The following AVEN variants were observed in gnomAD, a reference collection of about 807,000 sequenced individuals.
AVEN encodes apoptosis and caspase activation inhibitor.
AVEN carries 41 observed loss-of-function variants against 38.1 expected under a neutral mutation model. The ratio of observed to expected loss-of-function variants is 1.08; its 90% confidence interval spans 0.84 to 1.40. AVEN has a LOEUF of 1.40. Among genes scored for constraint, AVEN ranks in the 40% most tolerant of loss-of-function variants. The pLI is 0.00. For synonymous variants in AVEN, 206 were observed against 171.8 expected, an observed-to-expected ratio of 1.20 and a Z score of -1.56; for missense variants, 605 against 438.8, an observed-to-expected ratio of 1.38 and a Z score of -3.38.
chr15:33,954,624 G>T (rs1423104125), intron 2 of AVEN, among the ~76,000 whole-genome samples: 1 of 148,766 alleles, frequency 6.7e-6, no homozygotes, highest in African/African-American at 2.5e-5. Flanking sequence ...GACACAGGGT[G>T]GGGAACATCA....
At chr15:34,035,499 A>G (rs998924617) in intron 1 of AVEN, among the ~76,000 whole-genome samples, 3 of 152,196 alleles carry the variant, frequency 2.0e-5, no homozygotes, top group Non-Finnish European at 4.4e-5. Context: ...CAGGCTCTGG[A>G]GTGAAAATGC....
chr15:34,025,757 C>CGT lies in AVEN; in HGVS notation c.267+13021_267+13022dup, dbSNP rs150188349. Among the ~76,000 whole-genome samples, 172 of 133,062 alleles carry CGT rather than the reference C, an allele frequency of 1.3e-3. 1 individual carries two copies. The highest frequency in any genetic ancestry group is 4.2e-3 in the African/African-American group (163 of 38,846). 87.3% of individuals were successfully genotyped at this position (133,062 alleles called of 152,430 possible). A position where few individuals can be genotyped will look rare whatever the true frequency, so the allele number is the denominator to read the frequency against. On this transcript the variant is annotated intron_variant, in intron 1 of 5. Coordinates refer to ENST00000306730, the MANE Select transcript of AVEN (RefSeq NM_020371.3). ...GTGTTTTTGTTTTGGTTTGGTTTTG[C>CGT]GTGTGTGTGTGTGTTTGTGTGTGTG...
At chr15:34,022,249 A>G (rs1898234365) in intron 1 of AVEN, among the ~76,000 whole-genome samples, 1 of 152,244 alleles carries the variant, frequency 6.6e-6, no homozygotes, top group Non-Finnish European at 1.5e-5. Flanking sequence ...AATTTTAACC[A>G]GAATGGAGAA....
At chr15:33,923,911 C>G (rs971265929) in intron 2 of AVEN, among the ~76,000 whole-genome samples, 1 of 151,346 alleles carries the variant, frequency 6.6e-6, no homozygotes, top group East Asian at 1.9e-4. Context: ...TATCTCCCAT[C>G]ACCCCCAGGT....
At chr15:34,039,919 C>T (rs887061638), upstream of AVEN, among the ~76,000 whole-genome samples, 1 of 152,086 alleles carries the variant, frequency 6.6e-6, no homozygotes, top group Admixed American at 6.6e-5. Flanking sequence ...CTTCTTTCAA[C>T]CAAGGAGAAA....
chr15:33,879,800 G>A (rs1005542728), intron 2 of AVEN, among the ~76,000 whole-genome samples: 1 of 152,066 alleles, frequency 6.6e-6, no homozygotes. Context: ...AAAAAGAAAT[G>A]AAAAATCAGA....
intron 2 of AVEN, among the ~76,000 whole-genome samples, chr15:33,985,723 T>C (rs1303429722): frequency 6.6e-6 from 1 of 152,140 alleles, no homozygotes; most frequent in Non-Finnish European, 1.5e-5. Context: ...AGTAAGTACC[T>C]ATAAGCTAGA....
At chr15:34,022,743 G>C (rs1898258334) in intron 1 of AVEN, among the ~76,000 whole-genome samples, 1 of 152,166 alleles carries the variant, frequency 6.6e-6, no homozygotes, top group African/African-American at 2.4e-5. Context: ...GATTAAAAAA[G>C]GAAAGCATTC....
chr15:33,963,071 A>C (rs994663714), intron 2 of AVEN, among the ~76,000 whole-genome samples: 2 of 152,208 alleles, frequency 1.3e-5, no homozygotes, highest in African/African-American at 4.8e-5. Context: ...CCTATATGAG[A>C]AGGAAAAAGA....
At chr15:34,055,441 G>T (rs916650234) in intron 5 of AVEN, among the ~76,000 whole-genome samples, 1 of 150,576 alleles carries the variant, frequency 6.6e-6, no homozygotes, top group Non-Finnish European at 1.5e-5. Flanking sequence ...GGAGGAAGAG[G>T]TTACAGTGAG....
chr15:34,034,754 A>AGT (rs1491410052), intron 1 of AVEN, among the ~76,000 whole-genome samples: 1 of 152,218 alleles, frequency 6.6e-6, no homozygotes. Context: ...AAATAATTAC[A>AGT]GTGTGTGTGC....
At chr15:33,860,994 C>G (rs1033525756) in intron 11 of AVEN, 1 of 1,089,458 alleles carries the variant, frequency 9.2e-7, no homozygotes, top group Non-Finnish European at 1.4e-6. Flanking sequence ...TTTCATTATC[C>G]TTCAATTCGA....
chr15:33,960,054 C>G lies in AVEN; in HGVS notation c.445+42978G>C, dbSNP rs572136668. ...CAAGGCAAGGGCCTTGTCGGATGACCCTTCAGAGCCTCAACTTCCTCTTTA... is the reference window on the plus strand; with the variant it reads ...CAAGGCAAGGGCCTTGTCGGATGACGCTTCAGAGCCTCAACTTCCTCTTTA... On this transcript the variant is annotated intron_variant, in intron 2 of 5. Transcript: ENST00000306730. 3.9e-5 allele frequency among the ~76,000 whole-genome samples: 6 copies of G among 152,236 alleles called. No individual in the cohort carries two copies. In the South Asian group the frequency reaches 1.2e-3, roughly 32 times the overall value.
At chr15:33,858,434 C>T (rs2879426), downstream of AVEN, among the ~76,000 whole-genome samples, 3,137 of 152,014 alleles carry the variant, frequency 0.021, 185 homozygotes, top group East Asian at 0.25. Context: ...CTCAAACTCC[C>T]GACCTCAGGT....
intron 1 of AVEN, among the ~76,000 whole-genome samples, chr15:34,031,498 T>A (rs8032480): frequency 2.6e-5 from 4 of 152,194 alleles, no homozygotes; most frequent in Non-Finnish European, 4.4e-5. Flanking sequence ...ATTAAAATGT[T>A]TGCTATCCCT....
At chr15:33,984,933 C>T (rs1896357773) in intron 2 of AVEN, among the ~76,000 whole-genome samples, 1 of 152,094 alleles carries the variant, frequency 6.6e-6, no homozygotes, top group African/African-American at 2.4e-5. Context: ...AAGATCTACC[C>T]TCAAGAGATG....
chr15:33,878,138 A>T (rs1468401997), intron 2 of AVEN, among the ~76,000 whole-genome samples: 1 of 152,208 alleles, frequency 6.6e-6, no homozygotes, highest in East Asian at 1.9e-4. Context: ...CACCTAATGA[A>T]GTCTATAAAT....
intron 2 of AVEN, among the ~76,000 whole-genome samples, chr15:33,959,145 T>C (rs1895073905): frequency 6.6e-6 from 1 of 152,170 alleles, no homozygotes; most frequent in South Asian, 2.1e-4. Flanking sequence ...CAATCCTAGC[T>C]ACCCTTTAGT....
intron 2 of AVEN, among the ~76,000 whole-genome samples, chr15:33,965,125 G>A (rs1387089022): frequency 6.6e-6 from 1 of 152,110 alleles, no homozygotes; most frequent in Non-Finnish European, 1.5e-5. Flanking sequence ...AGAACCAAGT[G>A]CACTGGTCTT....
Sources: allele counts gnomAD v4.1 joint callset (sites outside exome capture counted in the v4.1 genomes callset), GRCh38; gene constraint gnomAD v4.1.1; transcripts MANE v1.5; gene names NCBI Gene and HGNC (gene_info 2026-07-23, HGNC 2026-07-21).